SLC38A4: variants seen among roughly 807,000 people sequenced by gnomAD.
SLC38A4 encodes solute carrier family 38 member 4, also known as sodium-coupled neutral amino acid transporter 4.
SLC38A4 carries 20 observed loss-of-function variants against 63.1 expected under a neutral mutation model. The observed-to-expected ratio is 0.32, with a 90% CI of 0.22 to 0.46. The LOEUF (loss-of-function observed/expected upper bound fraction) is 0.46, where lower values mean the gene tolerates loss of function less well. Ranked by LOEUF, SLC38A4 falls within the 20% of genes least tolerant of loss-of-function variation. The pLI is 1.00. For missense variants in SLC38A4, 526 were observed against 663.6 expected (o/e 0.79, Z 2.28); for synonymous variants, 230 against 225.5 (o/e 1.02, Z -0.18).
At chr12:46,799,696 T>A (rs963165646) in intron 2 of SLC38A4, among the ~76,000 whole-genome samples, 4 of 152,166 alleles carry the variant, frequency 2.6e-5, no homozygotes, top group African/African-American at 9.6e-5. Flanking sequence ...ATATCACTGA[T>A]CTATTTAAGG....
At chr12:46,780,948 A>G (rs1267524129) in intron 7 of SLC38A4, among the ~76,000 whole-genome samples, 1 of 152,028 alleles carries the variant, frequency 6.6e-6, no homozygotes, top group Admixed American at 6.6e-5. Context: ...AGTGTGTCCT[A>G]CATCCTTCTA....
intron 1 of SLC38A4, among the ~76,000 whole-genome samples, chr12:46,807,891 C>CT (rs1939264807): frequency 6.9e-5 from 1 of 14,486 alleles, no homozygotes; most frequent in African/African-American, 2.0e-4. Flanking sequence ...TAAATGTTAC[C>CT]CCCCCCCCCA....
intron 4 of SLC38A4, 38 bp downstream of exon 4, chr12:46,788,490 C>T: frequency 2.6e-6 from 4 of 1,521,130 alleles, no homozygotes; most frequent in Non-Finnish European, 3.6e-6. Flanking sequence ...CAGACACCCT[C>T]AGTCCCGTTT....
At chr12:46,812,169 C>T (rs554638723) in intron 1 of SLC38A4, among the ~76,000 whole-genome samples, 1 of 151,982 alleles carries the variant, frequency 6.6e-6, no homozygotes, top group Non-Finnish European at 1.5e-5. Context: ...AGTTGAAAGA[C>T]TGATATGTGC....
chr12:46,789,315 T>C (rs988271103), intron 3 of SLC38A4, among the ~76,000 whole-genome samples: 9 of 152,186 alleles, frequency 5.9e-5, no homozygotes, highest in Non-Finnish European at 1.3e-4. Context: ...GTATGTGTTT[T>C]AATTACTCTC....
chr12:46,814,925 A>C (rs1415539866), intron 1 of SLC38A4, among the ~76,000 whole-genome samples: 1 of 151,852 alleles, frequency 6.6e-6, no homozygotes, highest in Non-Finnish European at 1.5e-5. Context: ...GAAGACTAAA[A>C]GGCTGTGGTG....
At chr12:46,832,232 C>T (rs1179967609) in intron 1 of SLC38A4, 1 of 152,060 alleles carries the variant, frequency 6.6e-6, no homozygotes, top group East Asian at 1.9e-4. Context: ...CGTGCATACA[C>T]ACAAGCACCC....
intron 1 of SLC38A4, among the ~76,000 whole-genome samples, chr12:46,804,584 T>C (rs1939193084): frequency 1.3e-5 from 2 of 152,038 alleles, no homozygotes; most frequent in Non-Finnish European, 2.9e-5. Context: ...TGTCAATTCC[T>C]ATTTCTATAA....
intron 2 of SLC38A4, 113 bp from the exon 3 acceptor site, chr12:46,793,296 C>A: frequency 3.0e-6 from 1 of 328,632 alleles, no homozygotes; most frequent in Non-Finnish European, 5.6e-6. Context: ...AAAGAAACTC[C>A]TGAAAACTTT....
intron 12 of SLC38A4, among the ~76,000 whole-genome samples, chr12:46,777,362 G>A (rs1175816221): frequency 6.6e-6 from 1 of 151,922 alleles, no homozygotes; most frequent in Non-Finnish European, 1.5e-5. Context: ...TTTAGATGAG[G>A]AAAAGAACCT....
chr12:46,775,133 C>T lies in SLC38A4; in HGVS notation c.1215G>A (p.Val405=), dbSNP rs1938495372. The T allele has an allele frequency of 1.9e-6, 3 of 1,612,452 alleles. No individual in the cohort carries two copies. The highest frequency in any genetic ancestry group is 2.2e-5 in the South Asian group (2 of 90,978). Residue 405 remains valine (V), a synonymous_variant, in exon 14 of 17, where the codon GTG becomes GTA. Transcript: ENST00000266579. ...TGAGAAGAGGGATGTCTAATGTATA[C>T]ACTTTGCTGTAGGCATGAAGTAATT... ...EDELLHAYSK[V]YTLDIPLLMV... is the part of the protein sequence containing the mutation.
intron 1 of SLC38A4, among the ~76,000 whole-genome samples, chr12:46,818,340 T>A (rs754185489): frequency 4.0e-5 from 6 of 151,874 alleles, no homozygotes; most frequent in Non-Finnish European, 8.8e-5. Flanking sequence ...TTTTCATTCA[T>A]CCCAAACCAG....
At chr12:46,773,132 A>G (rs960866614) in intron 14 of SLC38A4, among the ~76,000 whole-genome samples, 3 of 152,112 alleles carry the variant, frequency 2.0e-5, no homozygotes, top group East Asian at 1.9e-4. Context: ...TCCTTCATGT[A>G]TAGGGAGGTT....
At chr12:46,818,465 C>A (rs1241673065) in intron 1 of SLC38A4, among the ~76,000 whole-genome samples, 2 of 151,786 alleles carry the variant, frequency 1.3e-5, no homozygotes, top group East Asian at 3.9e-4. Flanking sequence ...TGATCCTTGG[C>A]AAAAGTGTTA....
intron 1 of SLC38A4, among the ~76,000 whole-genome samples, chr12:46,805,227 G>A (rs1939207520): frequency 6.6e-6 from 1 of 151,870 alleles, no homozygotes; most frequent in Admixed American, 6.6e-5. Context: ...TAGTAAATTA[G>A]CATTGGATAA....
intron 7 of SLC38A4, among the ~76,000 whole-genome samples, chr12:46,784,007 C>T (rs1025004413): frequency 2.6e-5 from 4 of 151,772 alleles, no homozygotes; most frequent in African/African-American, 9.7e-5. Flanking sequence ...TATAAGAATC[C>T]ATAGAATCAA....
At position 46,766,518 on chromosome 12, in the gene SLC38A4, A is replaced by G; in HGVS notation, c.*183T>C. The G allele has an allele frequency of 1.5e-6, 1 of 679,330 alleles. No individual in the cohort carries two copies. The highest frequency in any genetic ancestry group is 2.7e-6 in the Non-Finnish European group (1 of 369,888). 42.1% of individuals were successfully genotyped at this position (679,330 alleles called of 1,614,324 possible). On this transcript the variant is annotated 3_prime_UTR_variant, in exon 17 of 17. Transcript: ENST00000266579. ...AGGTTTTATTTTAAACACATACACA[A>G]CCATCCTTGACAAAAACAGTGATTT...
Position 46,788,610 on chromosome 12 carries a change from G to C in SLC38A4, c.128C>G (p.Ala43Gly). ...TTTCTGACTTTCAGTGTCTTCATTA[G>C]CAAATTGACTGAACACACACACACA... ...SEKAAMSSQF[A>G]NEDTESQKFL... is the part of the protein sequence containing the mutation. The change falls in exon 4 of 17, where the codon GCT becomes GGT. Residue 43 changes from alanine to glycine, a missense_variant. Ala to Gly is a moderately conservative substitution (Grantham distance 60, BLOSUM62 0). Coordinates refer to ENST00000266579, the MANE Select transcript of SLC38A4 (RefSeq NM_018018.5). The C allele has an allele frequency of 6.2e-7, 1 of 1,612,538 alleles. No homozygotes were observed.
chr12:46,828,661 T>A (rs763010237), upstream of SLC38A4, among the ~76,000 whole-genome samples: 1 of 152,224 alleles, frequency 6.6e-6, no homozygotes, highest in African/African-American at 2.4e-5. Flanking sequence ...TGCAAATGTT[T>A]CCTTATCTAT....
Sources: gnomAD v4.1 joint callset for allele counts (sites outside exome capture counted in the v4.1 genomes callset) on GRCh38, gnomAD v4.1.1 for gene constraint, MANE v1.5 for transcripts, NCBI Gene and HGNC (gene_info 2026-07-23, HGNC 2026-07-21) for gene names.